The following HCN1 variants were observed in gnomAD, a reference collection of about 807,000 sequenced individuals.
HCN1 encodes the protein potassium/sodium hyperpolarization-activated cyclic nucleotide-gated channel 1.
HCN1 carries 13 observed loss-of-function variants against 78.9 expected under a neutral mutation model. The ratio of observed to expected loss-of-function variants is 0.16; its 90% confidence interval spans 0.11 to 0.26. The LOEUF (loss-of-function observed/expected upper bound fraction) is 0.26, where lower values mean the gene tolerates loss of function less well. Among genes scored for constraint, HCN1 ranks in the 10% least tolerant of loss-of-function variants. The probability of loss-of-function intolerance (pLI) is 1.00; values close to 1 mark genes in which losing one functional copy is unlikely to be tolerated. For missense variants in HCN1, 810 were observed against 1,154.3 expected, an observed-to-expected ratio of 0.70 and a Z score of 4.32; for synonymous variants, 552 against 455.5, an observed-to-expected ratio of 1.21 and a Z score of -2.70.
intron 6 of HCN1, among the ~76,000 whole-genome samples, chr5:45,296,374 A>G (rs907832999): frequency 3.9e-5 from 6 of 151,978 alleles, no homozygotes; most frequent in African/African-American, 1.4e-4. Flanking sequence ...CTGAAAAACC[A>G]TATGGGACAA....
chr5:45,454,316 A>G (rs1000973500), intron 3 of HCN1, among the ~76,000 whole-genome samples: 11 of 152,094 alleles, frequency 7.2e-5, no homozygotes, highest in Admixed American at 5.2e-4. Context: ...GTTGCCAGGC[A>G]GACTTTGCTA....
At chr5:45,626,704 G>C (rs1745169379) in intron 2 of HCN1, among the ~76,000 whole-genome samples, 1 of 152,234 alleles carries the variant, frequency 6.6e-6, no homozygotes, top group East Asian at 1.9e-4. Flanking sequence ...AATAAAGCTA[G>C]TGAATAGTCT....
At chr5:45,299,415 C>T (rs190298921) in intron 6 of HCN1, among the ~76,000 whole-genome samples, 231 of 152,078 alleles carry the variant, frequency 1.5e-3, no homozygotes, top group African/African-American at 4.1e-3. Flanking sequence ...CTTCATCTCT[C>T]GCTCTCTGTC....
At chr5:45,271,803 GC>G (rs1744967007) in intron 6 of HCN1, among the ~76,000 whole-genome samples, 1 of 152,022 alleles carries the variant, frequency 6.6e-6, no homozygotes, top group African/African-American at 2.4e-5. Context: ...CCCCTACGGA[GC>G]AACTAAGGGC....
At chr5:45,377,487 T>G (rs528596511) in intron 4 of HCN1, among the ~76,000 whole-genome samples, 82 of 152,118 alleles carry the variant, frequency 5.4e-4, no homozygotes, top group African/African-American at 1.9e-3. Context: ...AGGGGGCTGT[T>G]TTTTACACAA....
At chr5:45,573,075 T>A (rs1743865964) in intron 2 of HCN1, among the ~76,000 whole-genome samples, 1 of 152,168 alleles carries the variant, frequency 6.6e-6, no homozygotes, top group South Asian at 2.1e-4. Flanking sequence ...CTTGGAAGGT[T>A]GATGATAGAA....
chr5:45,633,050 G>T (rs1580008959), intron 2 of HCN1, among the ~76,000 whole-genome samples: 1 of 151,788 alleles, frequency 6.6e-6, no homozygotes, highest in Admixed American at 6.6e-5. Context: ...TCCTACAAGG[G>T]CATCCATACT....
intron 1 of HCN1, among the ~76,000 whole-genome samples, chr5:45,674,939 T>C (rs1297879376): frequency 1.3e-5 from 2 of 151,584 alleles, no homozygotes; most frequent in African/African-American, 4.8e-5. Flanking sequence ...CTATTTAAAA[T>C]AAAAATAATA....
chr5:45,291,800 G>A (rs766923310), intron 6 of HCN1, among the ~76,000 whole-genome samples: 3 of 151,998 alleles, frequency 2.0e-5, no homozygotes, highest in Non-Finnish European at 4.4e-5. Context: ...AAAGTGCCGG[G>A]AATACAGGCA....
At chr5:45,333,023 T>A (rs1208951779) in intron 5 of HCN1, among the ~76,000 whole-genome samples, 1 of 151,850 alleles carries the variant, frequency 6.6e-6, no homozygotes, top group Non-Finnish European at 1.5e-5. Flanking sequence ...GATTGCTGGA[T>A]CATATGGTAG....
At chr5:45,687,895 A>C (rs1157988542) in intron 1 of HCN1, among the ~76,000 whole-genome samples, 1 of 152,156 alleles carries the variant, frequency 6.6e-6, no homozygotes, top group African/African-American at 2.4e-5. Context: ...TTCCCGACTG[A>C]GAAAAATTGG....
intron 5 of HCN1, among the ~76,000 whole-genome samples, chr5:45,331,966 G>C (rs1005658890): frequency 1.3e-5 from 2 of 151,416 alleles, no homozygotes; most frequent in Non-Finnish European, 1.5e-5. Flanking sequence ...ACAATGTGAA[G>C]CTCTAGCTAT....
intron 2 of HCN1, among the ~76,000 whole-genome samples, chr5:45,604,248 T>G (rs1744681863): frequency 1.3e-5 from 2 of 152,052 alleles, no homozygotes; most frequent in Non-Finnish European, 2.9e-5. Flanking sequence ...TTTTGTTTTA[T>G]AGATGTGGCT....
intron 5 of HCN1, among the ~76,000 whole-genome samples, chr5:45,337,538 C>A (rs1746488436): frequency 6.6e-6 from 1 of 152,190 alleles, no homozygotes. Flanking sequence ...AGTAGGTAAT[C>A]CTTATTTATT....
At chr5:45,372,065 T>G (rs1484691181) in intron 4 of HCN1, among the ~76,000 whole-genome samples, 2 of 39,728 alleles carry the variant, frequency 5.0e-5, no homozygotes, top group Admixed American at 8.6e-4. Context: ...TATAATTATA[T>G]TATATATTAT....
chr5:45,426,752 C>T (rs946799121), intron 3 of HCN1, among the ~76,000 whole-genome samples: 1 of 152,126 alleles, frequency 6.6e-6, no homozygotes, highest in Non-Finnish European at 1.5e-5. Context: ...CAAGTCTGCT[C>T]TTCATATGAA....
chr5:45,682,812 A>G (rs969980163), intron 1 of HCN1, among the ~76,000 whole-genome samples: 7 of 152,144 alleles, frequency 4.6e-5, no homozygotes, highest in Non-Finnish European at 1.0e-4. Context: ...CCTGGAGTTT[A>G]AAATATGTTG....
chr5:45,458,117 A>G (rs1004746265), intron 3 of HCN1, among the ~76,000 whole-genome samples: 1 of 152,168 alleles, frequency 6.6e-6, no homozygotes, highest in Non-Finnish European at 1.5e-5. Flanking sequence ...AAGAATAGAT[A>G]TATTAAACAA....
At chr5:45,269,447 G>A (rs1160357198) in intron 6 of HCN1, among the ~76,000 whole-genome samples, 1 of 151,112 alleles carries the variant, frequency 6.6e-6, no homozygotes, top group Non-Finnish European at 1.5e-5. Flanking sequence ...CTTTTTCTAG[G>A]TCTTTCTCTT....
Sources: allele counts gnomAD v4.1 joint callset (sites outside exome capture counted in the v4.1 genomes callset), GRCh38; gene constraint gnomAD v4.1.1; transcripts MANE v1.5; gene names NCBI Gene and HGNC (gene_info 2026-07-23, HGNC 2026-07-21).